LHFPL3: variants seen among roughly 807,000 people sequenced by gnomAD.
LHFPL3 encodes the protein LHFPL tetraspan subfamily member 3.
LHFPL3 carries 5 observed loss-of-function variants against 19.3 expected under a neutral mutation model. That is an observed-to-expected ratio of 0.26 (90% CI 0.14 to 0.54). The LOEUF is 0.54. LHFPL3 is among the 20% of genes least tolerant of loss of function. The pLI, the probability that LHFPL3 is intolerant of heterozygous loss-of-function variation, is 0.94. For missense variants in LHFPL3, 249 were observed against 307.4 expected, an observed-to-expected ratio of 0.81 and a Z score of 1.42; for synonymous variants, 133 against 126.2, an observed-to-expected ratio of 1.05 and a Z score of -0.36.
intron 2 of LHFPL3, among the ~76,000 whole-genome samples, chr7:104,747,769 G>A (rs890949360): frequency 1.1e-4 from 17 of 152,136 alleles, no homozygotes; most frequent in Middle Eastern, 3.4e-3. Context: ...TTATTATTAT[G>A]CAAATAATAA....
chr7:104,418,773 G>A (rs936828773), intron 1 of LHFPL3, among the ~76,000 whole-genome samples: 2 of 152,204 alleles, frequency 1.3e-5, no homozygotes, highest in African/African-American at 4.8e-5. Context: ...CAGAGATGGA[G>A]TGGAGGCATT....
intron 1 of LHFPL3, among the ~76,000 whole-genome samples, chr7:104,632,604 A>G (rs530416254): frequency 6.6e-6 from 1 of 152,340 alleles, no homozygotes; most frequent in South Asian, 2.1e-4. Context: ...TTTTAAATTG[A>G]GTCAGAATTA....
At chr7:104,519,032 TCTC>T (rs1793990267) in intron 1 of LHFPL3, among the ~76,000 whole-genome samples, 1 of 152,140 alleles carries the variant, frequency 6.6e-6, no homozygotes, top group Admixed American at 6.6e-5. Context: ...AGCTTTCTCT[TCTC>T]TTCTCTTCCA....
At chr7:104,678,885 A>T (rs1792641658) in intron 1 of LHFPL3, among the ~76,000 whole-genome samples, 1 of 152,214 alleles carries the variant, frequency 6.6e-6, no homozygotes, top group Admixed American at 6.5e-5. Flanking sequence ...TTCATCTAAG[A>T]AGGTTCCTGG....
chr7:104,437,530 A>G (rs898782746), intron 1 of LHFPL3, among the ~76,000 whole-genome samples: 3 of 152,194 alleles, frequency 2.0e-5, no homozygotes, highest in Admixed American at 6.5e-5. Flanking sequence ...CACACTTCAG[A>G]TGCTAATCAT....
chr7:104,389,402 T>A lies in LHFPL3; in HGVS notation c.445+60178T>A, dbSNP rs191695264. ...AATAATTGGAAAGGCAATTCATGTG[T>A]ATAGACCAGACGACATAATATGAAG... On this transcript the variant is annotated intron_variant, in intron 1 of 2. Coordinates refer to ENST00000424859, the MANE Select transcript of LHFPL3 (RefSeq NM_199000.3). Among the ~76,000 whole-genome samples, 130 of 152,296 alleles carry A rather than the reference T, an allele frequency of 8.5e-4. 2 individuals carry two copies. The highest frequency in any genetic ancestry group is 6.5e-3 in the Admixed American group (100 of 15,298).
chr7:104,398,506 TG>T (rs1791239965), intron 1 of LHFPL3, among the ~76,000 whole-genome samples: 1 of 152,198 alleles, frequency 6.6e-6, no homozygotes, highest in Non-Finnish European at 1.5e-5. Flanking sequence ...TCTGAGAAAC[TG>T]TTCCAGTAAA....
At chr7:104,425,863 G>T (rs1457985757) in intron 1 of LHFPL3, among the ~76,000 whole-genome samples, 1 of 152,112 alleles carries the variant, frequency 6.6e-6, no homozygotes, top group Non-Finnish European at 1.5e-5. Context: ...CTCATTTTTA[G>T]TCTGTTGCTT....
intron 1 of LHFPL3, among the ~76,000 whole-genome samples, chr7:104,513,170 T>C (rs988752026): frequency 2.0e-5 from 3 of 152,230 alleles, no homozygotes; most frequent in African/African-American, 7.2e-5. Context: ...AACTTTATTT[T>C]TCAATGTATA....
chr7:104,421,057 G>A (rs1462146075), intron 1 of LHFPL3, among the ~76,000 whole-genome samples: 1 of 152,174 alleles, frequency 6.6e-6, no homozygotes, highest in Non-Finnish European at 1.5e-5. Flanking sequence ...CTTGCTATTT[G>A]TTGATGGAAA....
intron 1 of LHFPL3, among the ~76,000 whole-genome samples, chr7:104,589,359 A>G (rs965526451): frequency 2.0e-5 from 3 of 152,214 alleles, no homozygotes; most frequent in African/African-American, 7.2e-5. Flanking sequence ...TTCTGCATCT[A>G]TTGAGATAAT....
intron 2 of LHFPL3, among the ~76,000 whole-genome samples, chr7:104,848,685 G>C (rs1194514507): frequency 6.6e-6 from 1 of 152,136 alleles, no homozygotes; most frequent in African/African-American, 2.4e-5. Context: ...GAGTCCTATG[G>C]GCTGCCCCTG....
intron 1 of LHFPL3, among the ~76,000 whole-genome samples, chr7:104,393,013 G>A (rs1791108925): frequency 6.6e-6 from 1 of 152,210 alleles, no homozygotes; most frequent in Non-Finnish European, 1.5e-5. Context: ...CATAGGATCT[G>A]AACAGAGATT....
chr7:104,797,960 T>A (rs75817349), intron 2 of LHFPL3, among the ~76,000 whole-genome samples: 2 of 104,862 alleles, frequency 1.9e-5, no homozygotes, highest in African/African-American at 3.8e-5. Flanking sequence ...AACAACAAAC[T>A]ATCAATAACG....
intron 2 of LHFPL3, among the ~76,000 whole-genome samples, chr7:104,843,006 T>C (rs1259992819): frequency 6.6e-6 from 1 of 152,190 alleles, no homozygotes; most frequent in African/African-American, 2.4e-5. Flanking sequence ...CTTGAAACAG[T>C]ACCTCTGATT....
intron 1 of LHFPL3, among the ~76,000 whole-genome samples, chr7:104,517,359 A>C (rs1462813863): frequency 6.6e-6 from 1 of 151,662 alleles, no homozygotes; most frequent in Non-Finnish European, 1.5e-5. Flanking sequence ...CAAAACATGA[A>C]AATTATTTTA....
intron 1 of LHFPL3, among the ~76,000 whole-genome samples, chr7:104,681,948 A>G (rs1172756547): frequency 6.6e-6 from 1 of 152,190 alleles, no homozygotes. Context: ...GCATATTGCA[A>G]AAGATTTGGA....
intron 1 of LHFPL3, among the ~76,000 whole-genome samples, chr7:104,493,088 A>T (rs1170309139): frequency 6.6e-6 from 1 of 152,180 alleles, no homozygotes; most frequent in Non-Finnish European, 1.5e-5. Context: ...CATACTCTTT[A>T]ACCCTATGTC....
At chr7:104,694,870 T>A (rs984655119) in intron 1 of LHFPL3, among the ~76,000 whole-genome samples, 2 of 152,238 alleles carry the variant, frequency 1.3e-5, no homozygotes, top group South Asian at 4.1e-4. Flanking sequence ...AGAATGATAC[T>A]TATGCTGAAG....
Sources: gnomAD v4.1 joint callset for allele counts (sites outside exome capture counted in the v4.1 genomes callset) on GRCh38, gnomAD v4.1.1 for gene constraint, MANE v1.5 for transcripts, NCBI Gene and HGNC (gene_info 2026-07-23, HGNC 2026-07-21) for gene names.